ZCCHC24: variants seen among roughly 807,000 people sequenced by gnomAD.
ZCCHC24 encodes the protein zinc finger CCHC domain-containing protein 24.
A neutral mutation model predicts 26.2 loss-of-function variants in ZCCHC24; 10 were observed. The ratio of observed to expected loss-of-function variants is 0.38; its 90% CI spans 0.24 to 0.65. The LOEUF is 0.65. ZCCHC24 is among the 30% of genes least tolerant of loss of function. The probability of loss-of-function intolerance (pLI) is 0.54; values close to 1 mark genes in which losing one functional copy is unlikely to be tolerated. For synonymous variants in ZCCHC24, 144 were observed against 147.1 expected (o/e 0.98, Z 0.15); for missense variants, 243 against 329.1 (o/e 0.74, Z 2.03).
intron 2 of ZCCHC24, among the ~76,000 whole-genome samples, chr10:79,423,581 C>CTATATATATATTTATATATA: frequency 2.2e-4 from 12 of 53,744 alleles, no homozygotes; most frequent in African/African-American, 9.2e-4. Flanking sequence ...AATATATATA[C>CTATATATATATTTATATATA]TATATATATA....
intron 1 of ZCCHC24, among the ~76,000 whole-genome samples, chr10:79,436,161 T>C (rs1857215868): frequency 6.6e-6 from 1 of 152,084 alleles, no homozygotes; most frequent in African/African-American, 2.4e-5. Flanking sequence ...CCTAAAAGCC[T>C]TCATCTGTCA....
chr10:79,424,339 TG>T (rs1856997829), intron 2 of ZCCHC24, among the ~76,000 whole-genome samples: 1 of 152,126 alleles, frequency 6.6e-6, no homozygotes, highest in Admixed American at 6.5e-5. Flanking sequence ...AACTGCAGAG[TG>T]GAAGGCGAGC....
At chr10:79,386,562 G>T in intron 3 of ZCCHC24, 104 bp from the exon 4 acceptor site, 1 of 860,524 alleles carries the variant, frequency 1.2e-6, no homozygotes, top group Non-Finnish European at 1.8e-6. Context: ...GGTGAGACAG[G>T]TACACAGGGA....
intron 2 of ZCCHC24, among the ~76,000 whole-genome samples, chr10:79,416,355 G>A (rs910854354): frequency 7.9e-5 from 12 of 152,214 alleles, no homozygotes; most frequent in Non-Finnish European, 1.6e-4. Context: ...AAACGCGTTG[G>A]TAATGAGTGG....
chr10:79,404,180 C>T (rs1856677621), intron 2 of ZCCHC24, among the ~76,000 whole-genome samples: 1 of 152,216 alleles, frequency 6.6e-6, no homozygotes, highest in Non-Finnish European at 1.5e-5. Flanking sequence ...TGCCAAGCCC[C>T]CCAACACCCC....
chr10:79,440,067 G>A (rs1030917555), intron 1 of ZCCHC24, among the ~76,000 whole-genome samples: 2 of 152,050 alleles, frequency 1.3e-5, no homozygotes, highest in Non-Finnish European at 2.9e-5. Flanking sequence ...AGTATGGCCA[G>A]AGGAGGGCTG....
At chr10:79,396,507 AT>A (rs753284139) in intron 2 of ZCCHC24, among the ~76,000 whole-genome samples, 13 of 152,302 alleles carry the variant, frequency 8.5e-5, no homozygotes, top group Non-Finnish European at 1.6e-4. Flanking sequence ...CTAGAGCTGA[AT>A]TTACGTTCTC....
intron 2 of ZCCHC24, among the ~76,000 whole-genome samples, chr10:79,417,707 G>A (rs1856882665): frequency 6.6e-6 from 1 of 152,316 alleles, no homozygotes; most frequent in Middle Eastern, 3.4e-3. Context: ...TAAGAACCCA[G>A]CCAGCAAATG....
chr10:79,396,512 C>T (rs903300096), intron 2 of ZCCHC24, among the ~76,000 whole-genome samples: 8 of 152,216 alleles, frequency 5.3e-5, no homozygotes, highest in African/African-American at 1.9e-4. Context: ...GCTGAATTTA[C>T]GTTCTCTACT....
At chr10:79,413,678 G>A (rs774823309) in intron 2 of ZCCHC24, among the ~76,000 whole-genome samples, 25 of 152,134 alleles carry the variant, frequency 1.6e-4, no homozygotes, top group Non-Finnish European at 3.1e-4. Context: ...CCTGGGTTTG[G>A]ATGCCAGCTC....
At chr10:79,440,062 G>A (rs1341786106) in intron 1 of ZCCHC24, among the ~76,000 whole-genome samples, 2 of 151,976 alleles carry the variant, frequency 1.3e-5, no homozygotes, top group African/African-American at 4.8e-5. Context: ...AGACCAGTAT[G>A]GCCAGAGGAG....
chr10:79,421,450 T>TCCTC (rs954029785), intron 2 of ZCCHC24, among the ~76,000 whole-genome samples: 1 of 142,610 alleles, frequency 7.0e-6, no homozygotes. Flanking sequence ...CTCCCTCCCT[T>TCCTC]CCTCCCTCCC....
intron 2 of ZCCHC24, among the ~76,000 whole-genome samples, chr10:79,398,446 G>C (rs758398179): frequency 1.3e-5 from 2 of 152,222 alleles, no homozygotes; most frequent in Non-Finnish European, 2.9e-5. Flanking sequence ...AGCTATTTCA[G>C]GGTGATTCTC....
intron 2 of ZCCHC24, among the ~76,000 whole-genome samples, chr10:79,422,783 C>A (rs1002699524): frequency 6.6e-6 from 1 of 152,178 alleles, no homozygotes; most frequent in East Asian, 1.9e-4. Context: ...TAGCTGGACA[C>A]AAGAGGCACA....
At chr10:79,421,977 GA>G (rs1196875319) in intron 2 of ZCCHC24, among the ~76,000 whole-genome samples, 1 of 152,112 alleles carries the variant, frequency 6.6e-6, no homozygotes, top group African/African-American at 2.4e-5. Flanking sequence ...AGTGTTGTGA[GA>G]AAACCTCAGT....
intron 2 of ZCCHC24, among the ~76,000 whole-genome samples, chr10:79,418,585 G>A (rs940559145): frequency 6.6e-6 from 1 of 152,250 alleles, no homozygotes; most frequent in South Asian, 2.1e-4. Context: ...TGAACCTGGG[G>A]GAGATGAGAG....
At chr10:79,399,190 A>G (rs1447607772) in intron 2 of ZCCHC24, among the ~76,000 whole-genome samples, 1 of 152,216 alleles carries the variant, frequency 6.6e-6, no homozygotes, top group East Asian at 1.9e-4. Flanking sequence ...GGCAGCTCTT[A>G]GCAGCAAGGA....
At chr10:79,400,203 T>C (rs1429346359) in intron 2 of ZCCHC24, among the ~76,000 whole-genome samples, 2 of 152,174 alleles carry the variant, frequency 1.3e-5, no homozygotes, top group African/African-American at 2.4e-5. Context: ...GCATTCCTTA[T>C]CCTAAGCAAA....
intron 1 of ZCCHC24, among the ~76,000 whole-genome samples, chr10:79,444,816 G>T (rs1857340180): frequency 6.6e-6 from 1 of 152,220 alleles, no homozygotes; most frequent in Admixed American, 6.5e-5. Flanking sequence ...GGTTGGGCGT[G>T]AGAAGGACAC....
Sources: allele counts gnomAD v4.1 joint callset (sites outside exome capture counted in the v4.1 genomes callset), GRCh38; gene constraint gnomAD v4.1.1; transcripts MANE v1.5; gene names NCBI Gene and HGNC (gene_info 2026-07-23, HGNC 2026-07-21).